The following CLIC5 variants were observed in gnomAD, a reference collection of about 807,000 sequenced individuals.
CLIC5 encodes CLIC family member 5, also known as chloride intracellular channel protein 5.
In CLIC5, 20 loss-of-function variants were observed where a neutral mutation model predicts 24.7. The ratio of observed to expected loss-of-function variants is 0.81; its 90% CI spans 0.57 to 1.18. The LOEUF (loss-of-function observed/expected upper bound fraction) is 1.18, where lower values mean the gene tolerates loss of function less well. CLIC5 is among the 50% of genes most tolerant of loss of function. The probability of loss-of-function intolerance (pLI) is 0.00; values close to 1 mark genes in which losing one functional copy is unlikely to be tolerated. For synonymous variants in CLIC5, 159 were observed against 135.6 expected (o/e 1.17, Z -1.20); for missense variants, 341 against 326.1 (o/e 1.05, Z -0.35).
intron 5 of CLIC5, among the ~76,000 whole-genome samples, chr6:45,910,635 CA>C (rs1303017955): frequency 6.6e-6 from 1 of 152,252 alleles, no homozygotes; most frequent in Non-Finnish European, 1.5e-5. Context: ...CTCAGCCCTA[CA>C]TAGCTGATAA....
intron 5 of CLIC5, among the ~76,000 whole-genome samples, chr6:45,907,549 T>C (rs756130612): frequency 3.9e-5 from 6 of 152,296 alleles, no homozygotes; most frequent in Non-Finnish European, 8.8e-5. Flanking sequence ...ATAGAATGAG[T>C]TAGGAAGGAG....
chr6:45,905,197 A>G (rs1377962414), intron 5 of CLIC5, among the ~76,000 whole-genome samples: 1 of 152,192 alleles, frequency 6.6e-6, no homozygotes, highest in East Asian at 1.9e-4. Flanking sequence ...ATGAATGCAT[A>G]TGAAATTTTT....
At chr6:45,995,059 T>TA (rs1022048632) in intron 1 of CLIC5, among the ~76,000 whole-genome samples, 2 of 151,940 alleles carry the variant, frequency 1.3e-5, no homozygotes, top group Non-Finnish European at 2.9e-5. Flanking sequence ...ATGTTTTTTT[T>TA]AAAAAAAACC....
chr6:45,968,868 C>T (rs1765101539), intron 1 of CLIC5, among the ~76,000 whole-genome samples: 9 of 152,084 alleles, frequency 5.9e-5, no homozygotes, highest in Admixed American at 5.2e-4. Context: ...CAATTTGGGG[C>T]AATGTAATAA....
intron 4 of CLIC5, among the ~76,000 whole-genome samples, chr6:45,926,180 TACACACAC>T (rs1024389820): frequency 6.6e-6 from 1 of 150,502 alleles, no homozygotes; most frequent in Non-Finnish European, 1.5e-5. Context: ...GAAACATATA[TACACACAC>T]ACACATACAC....
At chr6:46,115,806 A>G in the CLIC5 span, among the ~76,000 whole-genome samples, 1 of 152,230 alleles carries the variant, frequency 6.6e-6, no homozygotes, top group African/African-American at 2.4e-5. Context: ...CAGGTGCCTT[A>G]GGTTAAGTAA....
At chr6:45,996,185 A>G (rs1349144905) in intron 1 of CLIC5, among the ~76,000 whole-genome samples, 1 of 152,042 alleles carries the variant, frequency 6.6e-6, no homozygotes, top group East Asian at 1.9e-4. Context: ...AAACCACGGA[A>G]CTCACTCTAG....
At chr6:45,958,437 T>TATATACACACACACACACACAC (rs1764726745) in intron 1 of CLIC5, among the ~76,000 whole-genome samples, 1 of 7,770 alleles carries the variant, frequency 1.3e-4, no homozygotes, top group Non-Finnish European at 4.2e-4. Flanking sequence ...TATATATATA[T>TATATACACACACACACACACAC]ATATATATAT....
chr6:46,033,384 T>A (rs1767567449), intron 1 of CLIC5, among the ~76,000 whole-genome samples: 1 of 152,200 alleles, frequency 6.6e-6, no homozygotes, highest in Non-Finnish European at 1.5e-5. Context: ...TGGTTTCCTG[T>A]GTCAGGCATT....
chr6:45,964,345 C>T (rs945053045), intron 1 of CLIC5, among the ~76,000 whole-genome samples: 3 of 152,192 alleles, frequency 2.0e-5, no homozygotes, highest in African/African-American at 7.2e-5. Flanking sequence ...CCCGTATGTC[C>T]TTCATAACCT....
chr6:45,930,705 T>C (rs570613408), intron 4 of CLIC5, among the ~76,000 whole-genome samples: 3 of 152,324 alleles, frequency 2.0e-5, no homozygotes, highest in Admixed American at 6.5e-5. Context: ...GGGGGAGCAC[T>C]GTGAAATTAA....
At chr6:45,929,023 A>C in intron 4 of CLIC5, among the ~76,000 whole-genome samples, 1 of 152,116 alleles carries the variant, frequency 6.6e-6, no homozygotes, top group East Asian at 1.9e-4. Flanking sequence ...CACCACATGG[A>C]ATGGTGTTGG....
chr6:45,999,890 C>T lies in CLIC5; in HGVS notation c.63+15590G>A, dbSNP rs1355281646. On this transcript the variant is annotated intron_variant, in intron 1 of 5. Transcript: ENST00000339561. ...CCTCCCGAGTAGCTGGGACTACAGG[C>T]GCCCGCCACCGCGCCCGGCTAATTT... Among the ~76,000 whole-genome samples the T allele has an allele frequency of 3.4e-4, 30 of 87,528 alleles. 9 individuals are homozygous for T. The highest frequency in any genetic ancestry group is 3.3e-3 in the Admixed American group (30 of 9,222). 57.4% of individuals were successfully genotyped at this position (87,528 alleles called of 152,430 possible). A position where few individuals can be genotyped will look rare whatever the true frequency, so the allele number is the denominator to read the frequency against.
chr6:46,014,347 AGAAG>A (rs1766916481), intron 1 of CLIC5: 1 of 152,206 alleles, frequency 6.6e-6, no homozygotes, highest in African/African-American at 2.4e-5. Context: ...TAGCTTGTAG[AGAAG>A]GATCTTTTGG....
intron 1 of CLIC5, among the ~76,000 whole-genome samples, chr6:45,958,369 T>C (rs1417152094): frequency 2.0e-5 from 3 of 146,990 alleles, no homozygotes; most frequent in South Asian, 4.3e-4. Context: ...AGCTATACTA[T>C]GTATAGCAAT....
the CLIC5 span, among the ~76,000 whole-genome samples, chr6:46,114,130 C>T: frequency 6.6e-6 from 1 of 152,146 alleles, no homozygotes. Context: ...AGTAGGCCAG[C>T]AGCCCCAAGA....
At chr6:46,030,527 C>A (rs1249359652) in intron 1 of CLIC5, among the ~76,000 whole-genome samples, 1 of 152,154 alleles carries the variant, frequency 6.6e-6, no homozygotes, top group Non-Finnish European at 1.5e-5. Context: ...CACACCCCGC[C>A]CTTGCTCAAA....
At chr6:46,006,149 T>TAA (rs1581853310) in intron 1 of CLIC5, among the ~76,000 whole-genome samples, 1 of 113,006 alleles carries the variant, frequency 8.8e-6, no homozygotes, top group Non-Finnish European at 1.7e-5. Context: ...TATATATATA[T>TAA]ATATATATAT....
chr6:45,914,485 G>C, intron 4 of CLIC5, 76 bp from the exon 5 acceptor site: 1 of 1,401,404 alleles, frequency 7.1e-7, no homozygotes, highest in Non-Finnish European at 9.4e-7. Context: ...TCAGAGTGGA[G>C]TAGCTCATCT....
Sources: allele counts gnomAD v4.1 joint callset (sites outside exome capture counted in the v4.1 genomes callset), GRCh38; gene constraint gnomAD v4.1.1; transcripts MANE v1.5; gene names NCBI Gene and HGNC (gene_info 2026-07-23, HGNC 2026-07-21).